The following SI variants were observed in gnomAD, a reference collection of about 807,000 sequenced individuals.
SI encodes sucrase-isomaltase.
Under a neutral mutation model 253.3 loss-of-function variants are expected in SI, and 235 were observed. The observed-to-expected ratio is 0.93, with a 90% CI of 0.83 to 1.03. SI has a LOEUF of 1.03. SI is among the 50% of genes least tolerant of loss of function. The probability of loss-of-function intolerance (pLI) is 0.00; values close to 1 mark genes in which losing one functional copy is unlikely to be tolerated. For missense variants in SI, 2,442 were observed against 2,211.1 expected, an observed-to-expected ratio of 1.10 and a Z score of -2.09; for synonymous variants, 819 against 712.0, an observed-to-expected ratio of 1.15 and a Z score of -2.39.
chr3:165,048,847 C>A (rs1713275065), intron 15 of SI, among the ~76,000 whole-genome samples: 1 of 151,928 alleles, frequency 6.6e-6, no homozygotes, highest in African/African-American at 2.4e-5. Context: ...AGACTCCTGA[C>A]TTCAGGTGTT....
chr3:165,025,066 T>G (rs183996128), intron 25 of SI, among the ~76,000 whole-genome samples: 46 of 151,370 alleles, frequency 3.0e-4, no homozygotes, highest in African/African-American at 1.0e-3. Flanking sequence ...ATACTTGAGC[T>G]GTTCTTTCTA....
intron 38 of SI, 80 bp from the exon 39 acceptor site, chr3:164,996,852 A>G: frequency 1.4e-6 from 1 of 728,626 alleles, no homozygotes; most frequent in Non-Finnish European, 2.1e-6. Flanking sequence ...ATTTATGATG[A>G]TGTTCTGTTT....
intron 16 of SI, among the ~76,000 whole-genome samples, chr3:165,045,864 T>A (rs1713080282): frequency 6.6e-6 from 1 of 150,690 alleles, no homozygotes; most frequent in South Asian, 2.1e-4. Context: ...TTTTTTTTTT[T>A]TTTTGAGATA....
At position 164,994,854 on chromosome 3, in the gene SI, G is replaced by C. The variant is rs928823701; in HGVS notation, c.4693-449C>G. On this transcript the variant is annotated intron_variant, in intron 40 of 47. Coordinates refer to ENST00000264382, the MANE Select transcript of SI (RefSeq NM_001041.4). ...GAAATGAACAGATTATGGTACTAAA[G>C]AATACTAAAGAATACATAGTACAGA... Among the ~76,000 whole-genome samples, 3 of 151,550 alleles carry C rather than the reference G, an allele frequency of 2.0e-5. No individual in the cohort carries two copies. The Admixed American group carries it at 2.0e-4, about 10-fold the overall frequency.
intron 6 of SI, among the ~76,000 whole-genome samples, chr3:165,066,175 CATT>C (rs1714236604): frequency 6.6e-6 from 1 of 151,762 alleles, no homozygotes. Context: ...ACATTGTATT[CATT>C]ATTATAAGTA....
At chr3:165,002,913 C>A (rs1458048005) in intron 37 of SI, among the ~76,000 whole-genome samples, 3 of 151,594 alleles carry the variant, frequency 2.0e-5, no homozygotes, top group African/African-American at 7.3e-5. Flanking sequence ...TGAACGAGAG[C>A]AAAATTAGCA....
chr3:165,019,002 T>C (rs1719176093), intron 28 of SI, among the ~76,000 whole-genome samples: 1 of 151,834 alleles, frequency 6.6e-6, no homozygotes, highest in Non-Finnish European at 1.5e-5. Context: ...AGAATAATTT[T>C]CATTAAAATA....
At chr3:165,068,306 G>A (rs746977821) in intron 5 of SI, among the ~76,000 whole-genome samples, 5 of 152,144 alleles carry the variant, frequency 3.3e-5, no homozygotes, top group Non-Finnish European at 7.3e-5. Context: ...TAAGTGCAGA[G>A]CACACTATTA....
intron 37 of SI, among the ~76,000 whole-genome samples, chr3:164,999,738 T>C (rs1718175581): frequency 6.6e-6 from 1 of 151,686 alleles, no homozygotes; most frequent in Non-Finnish European, 1.5e-5. Flanking sequence ...ATGCTTGGCA[T>C]GTAATAGTAG....
chr3:164,992,933 T>C (rs921317176), intron 41 of SI, among the ~76,000 whole-genome samples: 24 of 151,774 alleles, frequency 1.6e-4, no homozygotes, highest in Non-Finnish European at 2.9e-4. Flanking sequence ...GGTTTTTTTT[T>C]TGTTTGTTTT....
At chr3:165,036,638 G>A (rs1180428260) in intron 21 of SI, among the ~76,000 whole-genome samples, 161 bp from the exon 22 acceptor site, 3 of 151,640 alleles carry the variant, frequency 2.0e-5, no homozygotes, top group Non-Finnish European at 4.4e-5. Flanking sequence ...ATAATTTACC[G>A]ATACCAATGT....
chr3:165,022,408 A>C (rs1341648946), intron 26 of SI, among the ~76,000 whole-genome samples: 1 of 146,078 alleles, frequency 6.8e-6, no homozygotes, highest in African/African-American at 2.5e-5. Flanking sequence ...ACTCATTCTA[A>C]ATTTTATTTT....
intron 12 of SI, 122 bp downstream of exon 12, chr3:165,058,841 C>A: frequency 4.0e-5 from 25 of 627,788 alleles, no homozygotes; most frequent in Middle Eastern, 4.7e-4. Context: ...ATATAAAATT[C>A]AGACTTGAAA....
intron 25 of SI, 140 bp from the exon 26 acceptor site, chr3:165,023,916 C>G: frequency 1.5e-6 from 1 of 688,714 alleles, no homozygotes; most frequent in South Asian, 1.6e-5. Flanking sequence ...AGTTATAACA[C>G]AAAATATATT....
At chr3:165,059,774 T>G (rs2108249729) in intron 10 of SI, 128 bp downstream of exon 10, 1 of 974,160 alleles carries the variant, frequency 1.0e-6, no homozygotes, top group South Asian at 1.4e-5. Context: ...ACTTTACAAT[T>G]AAAAGGCAGC....
chr3:165,046,368 G>A (rs1025718016), intron 16 of SI, among the ~76,000 whole-genome samples: 1 of 148,702 alleles, frequency 6.7e-6, no homozygotes, highest in African/African-American at 2.5e-5. Context: ...ACAATTCCTA[G>A]TACACATTTT....
chr3:165,026,871 GA>G (rs1711950282), intron 25 of SI, among the ~76,000 whole-genome samples: 1 of 151,128 alleles, frequency 6.6e-6, no homozygotes, highest in Non-Finnish European at 1.5e-5. Flanking sequence ...CAAAAAGTCT[GA>G]AAGAGCACAC....
At chr3:164,981,931 A>G (rs1717207355) in intron 47 of SI, among the ~76,000 whole-genome samples, 1 of 152,146 alleles carries the variant, frequency 6.6e-6, no homozygotes, top group Admixed American at 6.6e-5. Flanking sequence ...TTAAATGCAG[A>G]TATCTTATTT....
At position 164,994,151 on chromosome 3, in the gene SI, A is replaced by G. The variant is rs985163444; in HGVS notation, c.4841+106T>C. ...AAAATGTGTGCTAATATAACAATGGAAAAACTGCCAATCTAAAATATTTTA... is the reference window on the plus strand; with the variant it reads ...AAAATGTGTGCTAATATAACAATGGGAAAACTGCCAATCTAAAATATTTTA... On this transcript the variant is annotated intron_variant, in intron 41 of 47. Coordinates refer to ENST00000264382, the MANE Select transcript of SI (RefSeq NM_001041.4). 7.8e-6 allele frequency: 8 copies of G among 1,021,760 alleles called. No individual in the cohort carries two copies. In the East Asian group the frequency reaches 2.1e-4, roughly 26 times the overall value. 63.3% of individuals were successfully genotyped at this position (1,021,760 alleles called of 1,614,324 possible).
Sources: gnomAD v4.1 joint callset for allele counts (sites outside exome capture counted in the v4.1 genomes callset) on GRCh38, gnomAD v4.1.1 for gene constraint, MANE v1.5 for transcripts, NCBI Gene and HGNC (gene_info 2026-07-23, HGNC 2026-07-21) for gene names.